CSMD1: variants seen among roughly 807,000 people sequenced by gnomAD.
CSMD1 encodes the protein CUB and Sushi multiple domains 1.
In CSMD1, 213 loss-of-function variants were observed where a neutral mutation model predicts 417.5. The ratio of observed to expected loss-of-function variants is 0.51; its 90% CI spans 0.46 to 0.57. The LOEUF (loss-of-function observed/expected upper bound fraction) is 0.57. Among genes scored for constraint, CSMD1 ranks in the 20% least tolerant of loss-of-function variants. The pLI is 0.00. For missense variants in CSMD1, 6,923 were observed against 4,529.7 expected (o/e 1.53, Z -15.17); for synonymous variants, 2,862 against 1,736.8 (o/e 1.65, Z -16.11).
Position 4,768,175 on chromosome 8 carries a change from T to C in CSMD1, c.86-130617A>G, listed in dbSNP as rs576509970. The stretch of plus-strand genomic sequence containing the variant: ...ACTAGTGGTGAAAATTAGCAGGACA[T>C]TGATGGATGACTTTGGGAAGATGCC... On this transcript the variant is annotated intron_variant, in intron 1 of 69. Coordinates refer to ENST00000635120, the MANE Select transcript of CSMD1 (RefSeq NM_033225.6). 6.6e-5 allele frequency among the ~76,000 whole-genome samples: 10 copies of C among 152,198 alleles called. No individual in the cohort carries two copies. The South Asian group carries it at 2.1e-3, about 32-fold the overall frequency.
At chr8:4,062,077 C>T (rs913541273) in intron 3 of CSMD1, among the ~76,000 whole-genome samples, 1 of 151,988 alleles carries the variant, frequency 6.6e-6, no homozygotes. Flanking sequence ...AGCCAGGTGC[C>T]AGGAGAATGG....
At chr8:4,156,242 C>G (rs1004702980) in intron 3 of CSMD1, among the ~76,000 whole-genome samples, 1 of 152,134 alleles carries the variant, frequency 6.6e-6, no homozygotes, top group African/African-American at 2.4e-5. Flanking sequence ...CAAAATCTTT[C>G]TTTTTACTAA....
intron 3 of CSMD1, among the ~76,000 whole-genome samples, chr8:4,407,023 C>T (rs543910322): frequency 1.3e-5 from 2 of 152,260 alleles, no homozygotes; most frequent in South Asian, 2.1e-4. Flanking sequence ...CTACGGGTCC[C>T]CTGTCTTGGT....
intron 6 of CSMD1, among the ~76,000 whole-genome samples, chr8:3,711,068 C>T (rs1213234419): frequency 6.6e-6 from 1 of 152,134 alleles, no homozygotes; most frequent in Admixed American, 6.5e-5. Context: ...AGATATTTTC[C>T]TATAGCAAAT....
chr8:3,637,873 C>T (rs1008690313), intron 7 of CSMD1, among the ~76,000 whole-genome samples: 2 of 152,144 alleles, frequency 1.3e-5, no homozygotes, highest in African/African-American at 4.8e-5. Flanking sequence ...CTCACAAGAT[C>T]TGATGGTTTT....
chr8:3,641,754 C>G (rs113091119), intron 7 of CSMD1, among the ~76,000 whole-genome samples: 143 of 152,308 alleles, frequency 9.4e-4, no homozygotes, highest in African/African-American at 3.1e-3. Context: ...TCCCTGCTAC[C>G]ACTCGGTACC....
At chr8:4,001,364 C>T (rs564142988) in intron 4 of CSMD1, among the ~76,000 whole-genome samples, 1 of 152,122 alleles carries the variant, frequency 6.6e-6, no homozygotes, top group East Asian at 1.9e-4. Flanking sequence ...CCATTAGCCC[C>T]CTGGTTTCTC....
At chr8:3,355,656 G>T (rs1808732205) in intron 21 of CSMD1, among the ~76,000 whole-genome samples, 1 of 152,130 alleles carries the variant, frequency 6.6e-6, no homozygotes. Flanking sequence ...GCCACCCAGT[G>T]CTTTACCCAG....
At chr8:3,794,743 T>C (rs1799945283) in intron 5 of CSMD1, among the ~76,000 whole-genome samples, 1 of 152,076 alleles carries the variant, frequency 6.6e-6, no homozygotes, top group Non-Finnish European at 1.5e-5. Context: ...CAGTTGCAAC[T>C]TCCAGGTCAA....
At chr8:4,637,917 G>T (rs1802939070) in intron 1 of CSMD1, among the ~76,000 whole-genome samples, 3 of 151,850 alleles carry the variant, frequency 2.0e-5, no homozygotes, top group Admixed American at 2.0e-4. Flanking sequence ...TGATCCACCC[G>T]CCCCGGCCTC....
intron 7 of CSMD1, among the ~76,000 whole-genome samples, chr8:3,642,991 T>TA (rs1044138910): frequency 2.2e-4 from 33 of 151,060 alleles, no homozygotes; most frequent in South Asian, 1.1e-3. Context: ...ATTAATAAAT[T>TA]AAAAAAAATA....
At chr8:3,103,060 C>T (rs1815873895) in intron 46 of CSMD1, among the ~76,000 whole-genome samples, 1 of 152,188 alleles carries the variant, frequency 6.6e-6, no homozygotes, top group South Asian at 2.1e-4. Context: ...ATTCAGTAAA[C>T]TTACTGAGGC....
chr8:3,564,779 A>AG (rs750787715), intron 10 of CSMD1, among the ~76,000 whole-genome samples: 1 of 152,102 alleles, frequency 6.6e-6, no homozygotes, highest in African/African-American at 2.4e-5. Flanking sequence ...CGATCTTGAA[A>AG]GGGGTGATGA....
chr8:3,458,217 C>A (rs1816280781), intron 12 of CSMD1, among the ~76,000 whole-genome samples: 1 of 152,084 alleles, frequency 6.6e-6, no homozygotes, highest in Non-Finnish European at 1.5e-5. Flanking sequence ...AGCTAACGGG[C>A]CACTAACACT....
chr8:4,216,282 C>T (rs1426832646), intron 3 of CSMD1, among the ~76,000 whole-genome samples: 4 of 152,080 alleles, frequency 2.6e-5, no homozygotes, highest in African/African-American at 4.8e-5. Flanking sequence ...TGACCTTCTC[C>T]CTGTGGTTGC....
intron 3 of CSMD1, among the ~76,000 whole-genome samples, chr8:4,043,583 G>A (rs1012483565): frequency 6.6e-5 from 10 of 152,166 alleles, no homozygotes; most frequent in African/African-American, 2.4e-4. Context: ...CCGCCTTGAG[G>A]GGGAAATCAA....
chr8:2,973,660 TG>T (rs66521104), intron 56 of CSMD1, among the ~76,000 whole-genome samples: 4,388 of 134,370 alleles, frequency 0.033, 79 homozygotes, highest in South Asian at 0.044. Flanking sequence ...ACAGGGAATG[TG>T]GGGAAAAAAA....
At chr8:3,692,357 GAA>G (rs1800295737) in intron 7 of CSMD1, among the ~76,000 whole-genome samples, 2 of 152,108 alleles carry the variant, frequency 1.3e-5, no homozygotes, top group Non-Finnish European at 2.9e-5. Flanking sequence ...ACAGACTCAG[GAA>G]AGAGACTCGC....
chr8:3,855,993 ATTTT>A (rs879477970), intron 5 of CSMD1, among the ~76,000 whole-genome samples: 1 of 151,550 alleles, frequency 6.6e-6, no homozygotes, highest in East Asian at 1.9e-4. Flanking sequence ...GTATTAATCA[ATTTT>A]TTTTTGTTTT....
Sources: allele counts gnomAD v4.1 joint callset (sites outside exome capture counted in the v4.1 genomes callset), GRCh38; gene constraint gnomAD v4.1.1; transcripts MANE v1.5; gene names NCBI Gene and HGNC (gene_info 2026-07-23, HGNC 2026-07-21).